The following PGM3 variants were observed in gnomAD, a reference collection of about 807,000 sequenced individuals.
PGM3 encodes the protein phosphoacetylglucosamine mutase.
In PGM3, 40 loss-of-function variants were observed where a neutral mutation model predicts 66.2. The ratio of observed to expected loss-of-function variants is 0.60; its 90% confidence interval spans 0.47 to 0.79. The LOEUF (loss-of-function observed/expected upper bound fraction) is 0.79. PGM3 is among the 30% of genes least tolerant of loss of function. PGM3 has a pLI of 0.00. For missense variants in PGM3, 537 were observed against 643.4 expected (o/e 0.83, Z 1.79); for synonymous variants, 191 against 224.2 (o/e 0.85, Z 1.32).
the PGM3 span, chr6:83,156,022 G>A: frequency 6.2e-7 from 1 of 1,614,092 alleles, no homozygotes; most frequent in Non-Finnish European, 8.5e-7. Context: ...AGAACAGAGA[G>A]CTATGCTTCT....
At chr6:83,184,663 T>C (rs628629) in intron 4 of PGM3, among the ~76,000 whole-genome samples, 94,769 of 152,180 alleles carry the variant, frequency 0.62, 31,080 homozygotes, top group African/African-American at 0.84. Flanking sequence ...GTTCTCCCCA[T>C]ATATCACAAA....
downstream of PGM3, chr6:83,161,234 TGTTA>T (rs1281185283): frequency 2.0e-5 from 3 of 152,162 alleles, no homozygotes. Flanking sequence ...TTTGTCAAGA[TGTTA>T]GTTACTACAA....
At chr6:83,181,663 C>T in intron 6 of PGM3, 73 bp downstream of exon 6, 2 of 1,005,292 alleles carry the variant, frequency 2.0e-6, no homozygotes, top group Non-Finnish European at 3.0e-6. Flanking sequence ...CTCACTTTAC[C>T]ACCTTAGTTT....
chr6:83,177,923 ACCC>A (rs1411314560), intron 8 of PGM3, among the ~76,000 whole-genome samples: 1 of 151,466 alleles, frequency 6.6e-6, no homozygotes, highest in Non-Finnish European at 1.5e-5. Flanking sequence ...TCCACTGACC[ACCC>A]CCCACACACC....
At chr6:83,159,808 C>CT, downstream of PGM3, 1 of 1,614,136 alleles carries the variant, frequency 6.2e-7, no homozygotes, top group Non-Finnish European at 8.5e-7. Flanking sequence ...CTTCAGGGCC[C>CT]TCTGTGGCTG....
At position 83,190,907 on chromosome 6, in the gene PGM3, C is replaced by G. The variant is rs748290769; in HGVS notation, c.106G>C (p.Asp36His). The change falls in exon 2 of 13, where the codon GAT becomes CAT. Residue 36 changes from aspartate to histidine, a missense_variant. Coordinates refer to ENST00000513973, the MANE Select transcript of PGM3 (RefSeq NM_015599.3). Reference sequence around the variant, plus strand: ...AATCCCATGCGAAACATGACATGATCAAGATGTTCTGCCTTCGTTCGAAAT... The same window carrying G: ...AATCCCATGCGAAACATGACATGATGAAGATGTTCTGCCTTCGTTCGAAAT... ...AGFRTKAEHL[D>H]HVMFRMGLLA... 2.3e-5 allele frequency: 37 copies of G among 1,613,980 alleles called. No individual in the cohort carries two copies. The highest frequency in any genetic ancestry group is 3.0e-5 in the Non-Finnish European group (35 of 1,179,996).
chr6:83,182,283 ATTC>A (rs1314207385), intron 5 of PGM3, among the ~76,000 whole-genome samples: 2 of 152,206 alleles, frequency 1.3e-5, no homozygotes, highest in Admixed American at 6.5e-5. Flanking sequence ...ATGACATGTC[ATTC>A]TTTTTATAGT....
the PGM3 span, chr6:83,148,979 G>A: frequency 8.7e-6 from 5 of 573,786 alleles, no homozygotes; most frequent in Admixed American, 4.3e-5. Flanking sequence ...TTCTCATAGT[G>A]TTCTTGAGAT....
chr6:83,189,324 G>A (rs1045994703), intron 2 of PGM3, among the ~76,000 whole-genome samples: 6 of 152,218 alleles, frequency 3.9e-5, no homozygotes, highest in African/African-American at 1.4e-4. Flanking sequence ...ACTGAAAACT[G>A]CCTCCCAACA....
downstream of PGM3, among the ~76,000 whole-genome samples, chr6:83,157,474 G>A (rs45480197): frequency 0.023 from 3,545 of 152,232 alleles, 66 homozygotes; most frequent in Non-Finnish European, 0.035. Flanking sequence ...AGTAAAACAA[G>A]TCAGATTCCA....
rs2128484530 is a variant in PGM3 at position 83,172,066 on chromosome 6, A to G, written c.1243-7T>C. 1 of 1,612,128 alleles carries G rather than the reference A, an allele frequency of 6.2e-7. No individual in the cohort carries two copies. The highest frequency in any genetic ancestry group is 1.7e-4 in the Middle Eastern group (1 of 6,046). On this transcript the variant is annotated splice_region_variant and splice_polypyrimidine_tract_variant and intron_variant, in intron 10 of 12. Transcript: ENST00000513973. The stretch of plus-strand genomic sequence containing the variant: ...AAATAGCATCACCAGCTGCCTGCAA[A>G]TGGGGAAACAAATGGAAGAAACCAC...
chr6:83,152,354 C>T, the PGM3 span: 1 of 1,536,940 alleles, frequency 6.5e-7, no homozygotes, highest in Non-Finnish European at 8.8e-7. Context: ...CATGCATTGA[C>T]ATTACTCTCT....
chr6:83,188,370 T>G, intron 3 of PGM3: 2 of 363,694 alleles, frequency 5.5e-6, no homozygotes, highest in South Asian at 6.8e-5. Context: ...TCAGGAAGTA[T>G]TTTACATACA....
intron 10 of PGM3, 79 bp downstream of exon 10, chr6:83,174,295 T>C: frequency 1.4e-6 from 1 of 740,350 alleles, no homozygotes; most frequent in Non-Finnish European, 2.3e-6. Flanking sequence ...TTTAATTTTG[T>C]ATGCACCCAC....
At chr6:83,187,135 T>A (rs933555888) in intron 3 of PGM3, 60 bp from the exon 4 acceptor site, 1 of 1,102,224 alleles carries the variant, frequency 9.1e-7, no homozygotes, top group Admixed American at 1.9e-5. Flanking sequence ...GGTTGCTGGT[T>A]CTGCAAGCAA....
chr6:83,163,540 AT>A (rs1784735163), downstream of PGM3, among the ~76,000 whole-genome samples: 1 of 152,232 alleles, frequency 6.6e-6, no homozygotes. Context: ...ATGAAATAAA[AT>A]ATATATGCTA....
At chr6:83,176,825 G>T (rs921027593) in intron 8 of PGM3, among the ~76,000 whole-genome samples, 1 of 152,160 alleles carries the variant, frequency 6.6e-6, no homozygotes, top group Non-Finnish European at 1.5e-5. Flanking sequence ...TCTTAAACTA[G>T]GTTATTTTAT....
Position 83,169,286 on chromosome 6 carries a change from G to A in PGM3, c.1577C>T (p.Ala526Val). Residue 526 changes from alanine (A) to valine (V), a missense_variant, in exon 13 of 13, where the codon GCA becomes GTA. Transcript: ENST00000513973. ...ADHLAHEVSL[A>V]VFQLAGGIGE... Reference sequence around the variant, plus strand: ...AATTCCTCCAGCCAGCTGAAATACTGCCAAGCTCACTTCATGTGCAAGGTG... The same window carrying A: ...AATTCCTCCAGCCAGCTGAAATACTACCAAGCTCACTTCATGTGCAAGGTG... 5 of 1,613,782 alleles carry A rather than the reference G, an allele frequency of 3.1e-6. No individual in the cohort carries two copies. Among genetic ancestry groups the A allele is most frequent in the Non-Finnish European group, 3.4e-6 (4 of 1,179,746 alleles).
At chr6:83,176,352 A>G (rs1026430087) in intron 8 of PGM3, among the ~76,000 whole-genome samples, 1 of 152,232 alleles carries the variant, frequency 6.6e-6, no homozygotes, top group African/African-American at 2.4e-5. Flanking sequence ...AAAGCTGTTT[A>G]GCTACAGTGT....
Sources: gnomAD v4.1 joint callset for allele counts (sites outside exome capture counted in the v4.1 genomes callset) on GRCh38, gnomAD v4.1.1 for gene constraint, MANE v1.5 for transcripts, NCBI Gene and HGNC (gene_info 2026-07-23, HGNC 2026-07-21) for gene names.